Variants in FHIP2B observed in about 807,000 individuals in gnomAD.
FHIP2B encodes FHF complex subunit HOOK-interacting protein 2B.
FHIP2B carries 72 observed loss-of-function variants against 84.0 expected under a neutral mutation model. The observed-to-expected ratio is 0.86, with a 90% confidence interval of 0.71 to 1.04. The LOEUF is 1.04. Ranked by LOEUF, FHIP2B falls within the 50% of genes least tolerant of loss-of-function variation. The pLI is 0.00. For synonymous variants in FHIP2B, 497 were observed against 418.7 expected (o/e 1.19, Z -2.28); for missense variants, 972 against 968.9 (o/e 1.00, Z -0.04).
In FHIP2B at chr8:22,089,173, G is replaced by T. The variant is rs1024819855; in HGVS notation, c.-81G>T. 1 of 925,176 alleles carries T rather than the reference G, an allele frequency of 1.1e-6. No homozygotes were observed. Among genetic ancestry groups the T allele is most frequent in the Non-Finnish European group, 1.3e-6 (1 of 761,028 alleles). 57.3% of individuals were successfully genotyped at this position (925,176 alleles called of 1,614,324 possible). On this transcript the variant is annotated 5_prime_UTR_variant, in exon 1 of 17. Transcript: ENST00000289921. ...CCGCCCCCCTCGTCGCGCCGGGGCC[G>T]CCGGGGCCACGGGGCTGCCTCCTCC...
In FHIP2B at chr8:22,099,324, T is replaced by A. The variant is rs1825970918; in HGVS notation, c.1115T>A (p.Phe372Tyr). ...DALAKAVAENFFVETLQPQLL... is the reference protein window; with the variant it reads ...DALAKAVAENYFVETLQPQLL... ...TTGGCGAAGGCTGTGGCTGAGAACT[T>A]CTTCGTGGAGACCCTGCAGCCCCAG... Residue 372 changes from phenylalanine to tyrosine, a missense_variant, in exon 9 of 17, where the codon TTC becomes TAC. Coordinates refer to ENST00000289921, the MANE Select transcript of FHIP2B (RefSeq NM_022749.7). 4.3e-6 allele frequency: 7 copies of A among 1,613,808 alleles called. No homozygotes were observed. In the East Asian group the frequency reaches 1.3e-4, roughly 31 times the overall value.
rs200965211 is a variant in FHIP2B, at chr8:22,101,797, C to T, written c.1797C>T (p.Phe599=). The change falls in exon 14 of 17, where the codon TTC becomes TTT. Residue 599 remains phenylalanine, a synonymous_variant. Transcript: ENST00000289921. ...LDPHEPERPF[F]EGHFLRVLFD... is the part of the protein sequence containing the mutation. Reference sequence around the variant, plus strand: ...CCCATGAGCCCGAGCGACCTTTCTTCGAGGGCCACTTCCTCCGAGTGCTGT... The same window carrying T: ...CCCATGAGCCCGAGCGACCTTTCTTTGAGGGCCACTTCCTCCGAGTGCTGT... The T allele has an allele frequency of 2.0e-5, 32 of 1,613,636 alleles. No individual in the cohort carries two copies. The East Asian group carries it at 4.5e-4, about 22-fold the overall frequency.
chr8:22,099,629 A>C (rs1432957535), intron 9 of FHIP2B, 75 bp from the exon 10 acceptor site: 3 of 1,459,058 alleles, frequency 2.1e-6, no homozygotes, highest in Non-Finnish European at 2.7e-6. Context: ...CGAGGCAAGC[A>C]GGAAGGGTTC....
chr8:22,089,820 A>C (rs745334745), intron 1 of FHIP2B: 2 of 1,285,664 alleles, frequency 1.6e-6, no homozygotes. Flanking sequence ...GGACGTGGGA[A>C]GTGCAGGCCC....
chr8:22,098,811 A>T, intron 7 of FHIP2B, 137 bp from the exon 8 acceptor site: 1 of 958,720 alleles, frequency 1.0e-6, no homozygotes, highest in East Asian at 2.6e-5. Context: ...GCCTCTGTCC[A>T]TAAAACCCCC....
chr8:22,091,082 A>T (rs1448952153), intron 1 of FHIP2B, among the ~76,000 whole-genome samples: 1 of 151,982 alleles, frequency 6.6e-6, no homozygotes, highest in Non-Finnish European at 1.5e-5. Context: ...GGGAGACGGG[A>T]ATTCCTCTTT....
intron 12 of FHIP2B, 196 bp downstream of exon 12, chr8:22,101,168 A>G (rs1419454709): frequency 1.4e-6 from 1 of 692,046 alleles, no homozygotes; most frequent in East Asian, 2.7e-5. Context: ...GATTACAGAC[A>G]TGCACCACCA....
intron 1 of FHIP2B, among the ~76,000 whole-genome samples, chr8:22,093,136 T>C (rs1825581764): frequency 6.6e-6 from 1 of 152,102 alleles, no homozygotes; most frequent in African/African-American, 2.4e-5. Context: ...GTGGAGCTGC[T>C]GGGGACTGAA....
intron 1 of FHIP2B, among the ~76,000 whole-genome samples, chr8:22,093,270 C>CT (rs1825587692): frequency 6.6e-6 from 1 of 152,130 alleles, no homozygotes; most frequent in African/African-American, 2.4e-5. Flanking sequence ...GATTAGAATT[C>CT]TTTTTTTCCT....
chr8:22,098,699 G>A (rs1449028292), intron 7 of FHIP2B, 80 bp downstream of exon 7: 3 of 1,396,272 alleles, frequency 2.1e-6, no homozygotes, highest in Admixed American at 4.8e-5. Context: ...CAGCTCCCCT[G>A]GGGTTCCACG....
At position 22,103,549 on chromosome 8, in the gene FHIP2B, C is replaced by G. The variant is rs1826241334; in HGVS notation, c.*618C>G. On this transcript the variant is annotated 3_prime_UTR_variant, in exon 17 of 17. Coordinates refer to ENST00000289921, the MANE Select transcript of FHIP2B (RefSeq NM_022749.7). ...GCAAATGCCCAAAGCATGTTCCGCA[C>G]CCAGGCGGGGGCCCCTGCTAATGAG... The G allele has an allele frequency of 6.6e-6, 1 of 152,450 alleles. No homozygotes were observed. Among genetic ancestry groups the G allele is most frequent in the Non-Finnish European group, 1.5e-5 (1 of 68,204 alleles). The allele number at this position is 152,450 out of a possible 1,614,324, so 9.4% of individuals were successfully genotyped here.
At chr8:22,095,943 A>C in intron 2 of FHIP2B, 1 of 159,082 alleles carries the variant, frequency 6.3e-6, no homozygotes. Context: ...AGCTGCTGGA[A>C]TTACAGCTTC....
At position 22,098,313 on chromosome 8, in the gene FHIP2B, G is replaced by A; in HGVS notation, c.768+3G>A. On this transcript the variant is annotated splice_donor_region_variant and intron_variant, in intron 6 of 16. Coordinates refer to ENST00000289921, the MANE Select transcript of FHIP2B (RefSeq NM_022749.7). ...TGCTTGGGCTGTGCCAGAGCAAGGTGCTGGCAGCAGAGATGGAGAGGTTGG... is the reference window on the plus strand; with the variant it reads ...TGCTTGGGCTGTGCCAGAGCAAGGTACTGGCAGCAGAGATGGAGAGGTTGG... The A allele has an allele frequency of 1.3e-6, 2 of 1,546,626 alleles. No individual in the cohort carries two copies. The highest frequency in any genetic ancestry group is 2.5e-5 in the South Asian group (2 of 81,476).
Position 22,103,009 on chromosome 8 carries a change from C to A in FHIP2B, c.*78C>A. The A allele has an allele frequency of 6.6e-7, 1 of 1,516,616 alleles. No homozygotes were observed. The highest frequency in any genetic ancestry group is 8.9e-7 in the Non-Finnish European group (1 of 1,127,484). The allele number at this position is 1,516,616 out of a possible 1,614,324, so 93.9% of individuals were successfully genotyped here. A position where few individuals can be genotyped will look rare whatever the true frequency, so the allele number is the denominator to read the frequency against. ...CCTCCTGCCTGGCACTGCCGCCACA[C>A]TCCCCTCCTGGGATGGGGCTTCTGC... On this transcript the variant is annotated 3_prime_UTR_variant, in exon 17 of 17. Coordinates refer to ENST00000289921, the MANE Select transcript of FHIP2B (RefSeq NM_022749.7).
chr8:22,101,898 G>T, intron 14 of FHIP2B, 47 bp downstream of exon 14: 1 of 1,598,092 alleles, frequency 6.3e-7, no homozygotes, highest in East Asian at 2.3e-5. Flanking sequence ...GGTGCCTCTG[G>T]GGTCCTTCAA....
chr8:22,089,216 C>G lies in FHIP2B; in HGVS notation c.-38C>G, dbSNP rs1825324902. 13 of 1,057,112 alleles carry G rather than the reference C, an allele frequency of 1.2e-5. No individual in the cohort carries two copies. Among genetic ancestry groups the G allele is most frequent in the Non-Finnish European group, 1.5e-5 (13 of 877,012 alleles). The allele number at this position is 1,057,112 out of a possible 1,614,324, so 65.5% of individuals were successfully genotyped here. On this transcript the variant is annotated 5_prime_UTR_variant, in exon 1 of 17. Transcript: ENST00000289921. Reference sequence around the variant, plus strand: ...CCTCCTCCGCCTAGAGCGCTGCCGCCGCCGCTTTCGCCCGGGAGCCGGGGG... The same window carrying G: ...CCTCCTCCGCCTAGAGCGCTGCCGCGGCCGCTTTCGCCCGGGAGCCGGGGG...
chr8:22,094,692 C>T (rs1825672359), intron 2 of FHIP2B, 174 bp downstream of exon 2: 2 of 1,435,712 alleles, frequency 1.4e-6, no homozygotes, highest in East Asian at 5.8e-5. Context: ...AGCCCTGGGC[C>T]ACTCCACTCC....
intron 2 of FHIP2B, chr8:22,095,375 A>C (rs1218661770): frequency 6.6e-6 from 1 of 152,244 alleles, no homozygotes; most frequent in Non-Finnish European, 1.5e-5. Context: ...TGCAGCAGTA[A>C]TTCTGGCCTC....
At position 22,098,678 on chromosome 8, in the gene FHIP2B, T is replaced by A. The variant is rs1207183097; in HGVS notation, c.965+59T>A. Reference sequence around the variant, plus strand: ...CTTCAGTTGCTGGCAGCCCTGCCTGTCTTTGGTGGCCAGCTCCCCTGGGGT... The same window carrying A: ...CTTCAGTTGCTGGCAGCCCTGCCTGACTTTGGTGGCCAGCTCCCCTGGGGT... On this transcript the variant is annotated intron_variant, in intron 7 of 16. Transcript: ENST00000289921. 3.4e-6 allele frequency: 5 copies of A among 1,464,290 alleles called. No individual in the cohort carries two copies. In the Admixed American group the frequency reaches 9.0e-5, roughly 26 times the overall value. 90.7% of individuals were successfully genotyped at this position (1,464,290 alleles called of 1,614,324 possible). A position where few individuals can be genotyped will look rare whatever the true frequency, so the allele number is the denominator to read the frequency against.
Sources: gnomAD v4.1 joint callset for allele counts (sites outside exome capture counted in the v4.1 genomes callset) on GRCh38, gnomAD v4.1.1 for gene constraint, MANE v1.5 for transcripts, NCBI Gene and HGNC (gene_info 2026-07-23, HGNC 2026-07-21) for gene names.